GIPC1: variants seen among roughly 807,000 people sequenced by gnomAD.
GIPC1 encodes the protein GIPC PDZ domain containing family member 1.
In GIPC1, 15 loss-of-function variants were observed where a neutral mutation model predicts 28.5. The ratio of observed to expected loss-of-function variants is 0.53; its 90% CI spans 0.35 to 0.81. The LOEUF is 0.81. Ranked by LOEUF, GIPC1 falls within the 30% of genes least tolerant of loss-of-function variation. The pLI, the probability that GIPC1 is intolerant of heterozygous loss-of-function variation, is 0.01. For synonymous variants in GIPC1, 224 were observed against 206.1 expected, an observed-to-expected ratio of 1.09 and a Z score of -0.74; for missense variants, 439 against 481.9, an observed-to-expected ratio of 0.91 and a Z score of 0.83.
intron 3 of GIPC1, among the ~76,000 whole-genome samples, chr19:14,484,602 C>T (rs1779680561): frequency 2.0e-5 from 3 of 151,362 alleles, no homozygotes; most frequent in Non-Finnish European, 2.9e-5. Context: ...AAAAATTAGC[C>T]GGGTGTGGTG....
chr19:14,492,131 G>A (rs577122923), intron 2 of GIPC1, among the ~76,000 whole-genome samples: 1 of 152,252 alleles, frequency 6.6e-6, no homozygotes, highest in East Asian at 1.9e-4. Context: ...TACGCACTGG[G>A]AGGCAGGAAA....
At chr19:14,483,213 C>T (rs12974884) in intron 3 of GIPC1, 339,027 of 518,454 alleles carry the variant, frequency 0.65, 111,676 homozygotes, top group East Asian at 0.77. Context: ...CCCACCACTA[C>T]GGAAGGCTGA....
At chr19:14,495,665 G>A (rs2072060371) in intron 1 of GIPC1, among the ~76,000 whole-genome samples, 1 of 152,084 alleles carries the variant, frequency 6.6e-6, no homozygotes, top group Non-Finnish European at 1.5e-5. Flanking sequence ...TCCCCCCCAA[G>A]GCCCTGGAGG....
At chr19:14,489,731 T>C in intron 3 of GIPC1, 2 of 685,134 alleles carry the variant, frequency 2.9e-6, no homozygotes, top group Non-Finnish European at 2.7e-6. Context: ...TTAAATAAAC[T>C]TTTGTAATAG....
chr19:14,489,751 T>C (rs10422158), intron 3 of GIPC1: 312,194 of 641,216 alleles, frequency 0.49, 78,537 homozygotes, highest in South Asian at 0.63. Flanking sequence ...GTCAAAAATG[T>C]TTTTTCAGAT....
rs1168123561 is a variant in GIPC1 at position 14,478,287 on chromosome 19, C to T, written c.*129G>A. 2 of 941,568 alleles carry T rather than the reference C, an allele frequency of 2.1e-6. No homozygotes were observed. Among genetic ancestry groups the T allele is most frequent in the African/African-American group, 3.3e-5 (2 of 60,232 alleles). The allele number at this position is 941,568 out of a possible 1,614,324, so 58.3% of individuals were successfully genotyped here. The stretch of plus-strand genomic sequence containing the variant: ...CGGGGCAGGGGGCCTGGCCCCACCT[C>T]CCCTCACCATCGTCCTTGGGCTGCT... On this transcript the variant is annotated 3_prime_UTR_variant, in exon 9 of 9. Transcript: ENST00000393033. This position sits in a 1 kb window ranked among gnomAD's most constrained non-coding sequence, Gnocchi z 5.2.
intron 3 of GIPC1, among the ~76,000 whole-genome samples, chr19:14,487,886 G>A (rs1382463615): frequency 6.6e-6 from 1 of 151,790 alleles, no homozygotes; most frequent in African/African-American, 2.4e-5. Flanking sequence ...TTGCTATGTT[G>A]TCCCGGCTGG....
At chr19:14,482,197 C>T (rs1307655525) in intron 4 of GIPC1, 1 of 186,744 alleles carries the variant, frequency 5.4e-6, no homozygotes, top group Non-Finnish European at 1.1e-5. Flanking sequence ...AGCGTCCAGC[C>T]CTGGTCGTCA....
intron 3 of GIPC1, chr19:14,489,414 G>A (rs569248840): frequency 3.9e-5 from 32 of 814,450 alleles, no homozygotes; most frequent in Middle Eastern, 3.4e-4. Context: ...CTCCTGAGTT[G>A]AAAAAATTTA....
intron 1 of GIPC1, 91 bp downstream of exon 1, chr19:14,495,946 G>A: frequency 6.2e-6 from 1 of 160,112 alleles, no homozygotes; most frequent in Non-Finnish European, 1.4e-5. Context: ...CACGGCGCCG[G>A]CCCCACCCTG....
At position 14,479,368 on chromosome 19, in the gene GIPC1, A is replaced by G. The variant is rs749667848; in HGVS notation, c.768+44T>C. On this transcript the variant is annotated intron_variant, in intron 7 of 8. Coordinates refer to ENST00000393033, the MANE Select transcript of GIPC1 (RefSeq NM_005716.4). Reference sequence around the variant, plus strand: ...ACTCTGTCTCAAAAAAAAAAAAAAGAAAGGGAAGGGATGCCGGAGATAGGG... The same window carrying G: ...ACTCTGTCTCAAAAAAAAAAAAAAGGAAGGGAAGGGATGCCGGAGATAGGG... 191 of 788,018 alleles carry G rather than the reference A, an allele frequency of 2.4e-4. 2 individuals carry two copies. In the Middle Eastern group the frequency reaches 7.2e-3, roughly 30 times the overall value. The allele number at this position is 788,018 out of a possible 1,614,324, so 48.8% of individuals were successfully genotyped here. A position where few individuals can be genotyped will look rare whatever the true frequency, so the allele number is the denominator to read the frequency against.
At chr19:14,494,146 G>A (rs1328620678) in intron 1 of GIPC1, among the ~76,000 whole-genome samples, 1 of 152,160 alleles carries the variant, frequency 6.6e-6, no homozygotes, top group Non-Finnish European at 1.5e-5. Context: ...TTTTAGGAGA[G>A]AGGGGGTTTC....
intron 2 of GIPC1, among the ~76,000 whole-genome samples, 160 bp from the exon 3 acceptor site, chr19:14,491,903 C>T (rs2146493358): frequency 6.6e-6 from 1 of 152,170 alleles, no homozygotes. Flanking sequence ...CCACGCCCAG[C>T]CATATATTTT....
intron 3 of GIPC1, among the ~76,000 whole-genome samples, chr19:14,485,684 A>AATATATATACATAT (rs2071818685): frequency 1.4e-5 from 1 of 72,476 alleles, no homozygotes; most frequent in Non-Finnish European, 2.8e-5. Context: ...TAAATAAACA[A>AATATATATACATAT]ATATATATAT....
At chr19:14,494,506 T>C (rs1290385524) in intron 1 of GIPC1, among the ~76,000 whole-genome samples, 1 of 152,244 alleles carries the variant, frequency 6.6e-6, no homozygotes, top group African/African-American at 2.4e-5. Context: ...ATCTTCTTTA[T>C]TTACTTGCTA....
Position 14,477,986 on chromosome 19 carries a change from T to G in GIPC1, c.*430A>C. 1 of 164,102 alleles carries G rather than the reference T, an allele frequency of 6.1e-6. No individual in the cohort carries two copies. 10.2% of individuals were successfully genotyped at this position (164,102 alleles called of 1,614,324 possible). A position where few individuals can be genotyped will look rare whatever the true frequency, so the allele number is the denominator to read the frequency against. On this transcript the variant is annotated 3_prime_UTR_variant, in exon 9 of 9. Transcript: ENST00000393033. ...AGGAGGGGTGAGGGCATTATTGCATTTGCTGGGGGGAAGGACAACCCTCTC... is the reference window on the plus strand; with the variant it reads ...AGGAGGGGTGAGGGCATTATTGCATGTGCTGGGGGGAAGGACAACCCTCTC...
At chr19:14,486,430 G>A (rs1379925515) in intron 3 of GIPC1, among the ~76,000 whole-genome samples, 1 of 152,186 alleles carries the variant, frequency 6.6e-6, no homozygotes, top group Non-Finnish European at 1.5e-5. Context: ...TAGGTTGTGA[G>A]AGGAAGTGGC....
At chr19:14,494,338 C>T (rs1395748074) in intron 1 of GIPC1, among the ~76,000 whole-genome samples, 5 of 150,664 alleles carry the variant, frequency 3.3e-5, no homozygotes, top group Admixed American at 2.0e-4. Flanking sequence ...GCAACCCACC[C>T]GCCTCGGCCT....
At position 14,482,607 on chromosome 19, in the gene GIPC1, A is replaced by G. The variant is rs763734982; in HGVS notation, c.288+82T>C. The G allele has an allele frequency of 2.6e-4, 357 of 1,364,748 alleles. 1 individual carries two copies. The highest frequency in any genetic ancestry group is 3.1e-4 in the Non-Finnish European group (297 of 969,650). The allele number at this position is 1,364,748 out of a possible 1,614,324, so 84.5% of individuals were successfully genotyped here. ...TCAGCATCTGCAGCTTCAGCATCTG[A>G]GCCCCAGCTCATGAACAGGATGCAG... On this transcript the variant is annotated intron_variant, in intron 4 of 8. Coordinates refer to ENST00000393033, the MANE Select transcript of GIPC1 (RefSeq NM_005716.4).
Sources: allele counts gnomAD v4.1 joint callset (sites outside exome capture counted in the v4.1 genomes callset), GRCh38; gene constraint gnomAD v4.1.1; non-coding constraint Gnocchi (gnomAD v3.1); transcripts MANE v1.5; gene names NCBI Gene and HGNC (gene_info 2026-07-23, HGNC 2026-07-21).